VAV2: variants seen among roughly 807,000 people sequenced by gnomAD.
The protein encoded by VAV2 is vav guanine nucleotide exchange factor 2.
In VAV2, 67 loss-of-function variants were observed where a neutral mutation model predicts 132.5. The ratio of observed to expected loss-of-function variants is 0.51; its 90% CI spans 0.42 to 0.62. The LOEUF (loss-of-function observed/expected upper bound fraction) is 0.62, where lower values mean the gene tolerates loss of function less well. Among genes scored for constraint, VAV2 ranks in the 20% least tolerant of loss-of-function variants. The pLI is 0.00. For synonymous variants in VAV2, 492 were observed against 443.5 expected (o/e 1.11, Z -1.37); for missense variants, 938 against 1,153.6 (o/e 0.81, Z 2.71).
rs114268019 is a variant in VAV2 at position 133,865,745 on chromosome 9, C to G, written c.322-4313G>C. Among the ~76,000 whole-genome samples the G allele has an allele frequency of 6.8e-3, 1,038 of 152,324 alleles. 10 individuals are homozygous for G. The highest frequency in any genetic ancestry group is 0.024 in the African/African-American group (982 of 41,564). ...AGCACCAGCTGGCTAGTCTGGTAAA[C>G]ATACATATATTCACAGATTATATGT... On this transcript the variant is annotated intron_variant, in intron 2 of 29. Coordinates refer to ENST00000371850, the MANE Select transcript of VAV2 (RefSeq NM_001134398.2).
intron 2 of VAV2, among the ~76,000 whole-genome samples, chr9:133,901,295 G>T (rs937879495): frequency 6.6e-6 from 1 of 152,172 alleles, no homozygotes; most frequent in Non-Finnish European, 1.5e-5. Context: ...ACTCCCCACG[G>T]GTCTCCTCAG....
chr9:133,941,487 A>C (rs967788576), intron 1 of VAV2, among the ~76,000 whole-genome samples: 4 of 152,122 alleles, frequency 2.6e-5, no homozygotes, highest in African/African-American at 9.7e-5. Flanking sequence ...ACATGTGGCT[A>C]GTAACTGCTA....
rs576301771 is a variant in VAV2, at chr9:133,874,009, A to C, written c.322-12577T>G. On this transcript the variant is annotated intron_variant, in intron 2 of 29. Transcript: ENST00000371850. ...GTTTATTTCATTTTATTCCCTCAAA[A>C]CCCCCCACGAGATGGTTCTGTGGCT... is the stretch of plus-strand genomic sequence containing the variant. Among the ~76,000 whole-genome samples the C allele has an allele frequency of 7.3e-5, 11 of 150,954 alleles. No homozygotes were observed. The East Asian group carries it at 2.0e-3, about 27-fold the overall frequency.
chr9:133,863,044 C>T lies in VAV2; in HGVS notation c.322-1612G>A, dbSNP rs999444286. Among the ~76,000 whole-genome samples, 3 of 152,202 alleles carry T rather than the reference C, an allele frequency of 2.0e-5. No homozygotes were observed. Among genetic ancestry groups the T allele is most frequent in the African/African-American group, 4.8e-5 (2 of 41,446 alleles). ...AGACTCGATGGGCCCATTATGCGGC[C>T]AGCCCAGCCGCACTCCCATGCTGAT... On this transcript the variant is annotated intron_variant, in intron 2 of 29. Coordinates refer to ENST00000371850, the MANE Select transcript of VAV2 (RefSeq NM_001134398.2). The surrounding 1 kb of genome is among the most constrained non-coding windows in gnomAD (Gnocchi z 5.0).
chr9:133,902,462 T>C (rs1377615049), intron 2 of VAV2, among the ~76,000 whole-genome samples: 3 of 152,184 alleles, frequency 2.0e-5, no homozygotes, highest in Non-Finnish European at 4.4e-5. Flanking sequence ...CATTGAGATG[T>C]TTCTGTTCTC....
In VAV2 at chr9:133,810,181, G is replaced by A. The variant is rs760076635; in HGVS notation, c.567+10C>T. On this transcript the variant is annotated intron_variant, in intron 6 of 29. Coordinates refer to ENST00000371850, the MANE Select transcript of VAV2 (RefSeq NM_001134398.2). ...AGGACGTCCCCAGCCTCCCCTTCCG[G>A]GCCACTCACCTGCATGTATCTAATC... 6.2e-7 allele frequency: 1 copy of A among 1,613,268 alleles called. No homozygotes were observed.
chr9:133,917,693 G>C lies in VAV2; in HGVS notation c.321+21410C>G, dbSNP rs182873532. ...GACGGGGAAACCAAGGCTTAGGGAG[G>C]AAAGCGACTGGCCCAGGCCGGGCAT... On this transcript the variant is annotated intron_variant, in intron 2 of 29. Transcript: ENST00000371850. 1.1e-4 allele frequency among the ~76,000 whole-genome samples: 16 copies of C among 152,294 alleles called. No homozygotes were observed. The East Asian group carries it at 2.7e-3, about 26-fold the overall frequency.
intron 2 of VAV2, among the ~76,000 whole-genome samples, chr9:133,932,931 C>A (rs1840738191): frequency 6.6e-6 from 1 of 152,242 alleles, no homozygotes; most frequent in Non-Finnish European, 1.5e-5. Context: ...TGGTGGGTCC[C>A]CTCCCAATGC....
At position 133,912,940 on chromosome 9, in the gene VAV2, C is replaced by T. The variant is rs190660842; in HGVS notation, c.321+26163G>A. The stretch of plus-strand genomic sequence containing the variant: ...GAGGAAAATCCAACTTCAGCCAGCA[C>T]AGTCCACGGGCGGTGGAGTGCCATT... On this transcript the variant is annotated intron_variant, in intron 2 of 29. Transcript: ENST00000371850. The surrounding 1 kb of genome is among the most constrained non-coding windows in gnomAD (Gnocchi z 4.3). Among the ~76,000 whole-genome samples, 8 of 152,332 alleles carry T rather than the reference C, an allele frequency of 5.3e-5. No individual in the cohort carries two copies. Among genetic ancestry groups the T allele is most frequent in the African/African-American group, 1.9e-4 (8 of 41,572 alleles).
At chr9:133,943,536 C>A (rs1460252360) in intron 1 of VAV2, among the ~76,000 whole-genome samples, 1 of 152,240 alleles carries the variant, frequency 6.6e-6, no homozygotes, top group African/African-American at 2.4e-5. Context: ...CTTCCCCCAG[C>A]ATCCTGGACT....
chr9:133,902,391 C>T (rs1839478992), intron 2 of VAV2, among the ~76,000 whole-genome samples: 1 of 152,196 alleles, frequency 6.6e-6, no homozygotes, highest in Admixed American at 6.5e-5. Flanking sequence ...CTTGGGGCTA[C>T]CACATCCCCA....
chr9:133,811,136 G>A (rs898071240), intron 5 of VAV2, among the ~76,000 whole-genome samples: 9 of 151,768 alleles, frequency 5.9e-5, no homozygotes, highest in Admixed American at 3.9e-4. Flanking sequence ...ACCATCCCTC[G>A]GGGGAGACCC....
chr9:133,947,438 G>A (rs1224047833), intron 1 of VAV2, among the ~76,000 whole-genome samples: 2 of 152,178 alleles, frequency 1.3e-5, no homozygotes, highest in Admixed American at 6.5e-5. Context: ...GGTGGCTGAC[G>A]CCTATAATCC....
chr9:133,831,477 C>G (rs1258682029), intron 4 of VAV2, among the ~76,000 whole-genome samples: 1 of 152,022 alleles, frequency 6.6e-6, no homozygotes, highest in African/African-American at 2.4e-5. Flanking sequence ...AATGGGCAAC[C>G]TGGGATCTAG....
chr9:133,876,699 T>G (rs1158942683), intron 2 of VAV2, among the ~76,000 whole-genome samples: 1 of 152,148 alleles, frequency 6.6e-6, no homozygotes, highest in Non-Finnish European at 1.5e-5. Context: ...CCAAGGAGTC[T>G]TCTAACCAGG....
At chr9:133,890,783 A>G (rs547385158) in intron 2 of VAV2, among the ~76,000 whole-genome samples, 1 of 152,250 alleles carries the variant, frequency 6.6e-6, no homozygotes, top group East Asian at 1.9e-4. Context: ...GCTACCTTGA[A>G]GCACTTAGGT....
intron 1 of VAV2, among the ~76,000 whole-genome samples, chr9:133,973,597 G>A (rs968281329): frequency 6.9e-6 from 1 of 145,310 alleles, no homozygotes; most frequent in Non-Finnish European, 1.5e-5. Context: ...CCCAACCCAC[G>A]CACGCCCTAC....
chr9:133,790,626 G>A (rs934491226), intron 13 of VAV2, among the ~76,000 whole-genome samples: 2 of 152,242 alleles, frequency 1.3e-5, no homozygotes, highest in Non-Finnish European at 2.9e-5. Context: ...GCCAGGTGCT[G>A]ATGGTGCAGG....
At chr9:133,869,240 G>C (rs546833263) in intron 2 of VAV2, among the ~76,000 whole-genome samples, 1 of 151,894 alleles carries the variant, frequency 6.6e-6, no homozygotes, top group Non-Finnish European at 1.5e-5. Context: ...CGCCCACCTC[G>C]GCCTCCCAAA....
Sources: gnomAD v4.1 joint callset for allele counts (sites outside exome capture counted in the v4.1 genomes callset) on GRCh38, gnomAD v4.1.1 for gene constraint, Gnocchi (gnomAD v3.1) non-coding constraint, MANE v1.5 for transcripts, NCBI Gene and HGNC (gene_info 2026-07-23, HGNC 2026-07-21) for gene names.